The following ESRRG variants were observed in gnomAD, a reference collection of about 807,000 sequenced individuals.
ESRRG encodes estrogen-related receptor gamma.
A neutral mutation model predicts 44.0 loss-of-function variants in ESRRG; 13 were observed. The observed-to-expected ratio is 0.30, with a 90% CI of 0.19 to 0.47. The LOEUF is 0.47. Among genes scored for constraint, ESRRG ranks in the 20% least tolerant of loss-of-function variants. The pLI is 1.00. For missense variants in ESRRG, 395 were observed against 580.6 expected (o/e 0.68, Z 3.29); for synonymous variants, 215 against 214.6 (o/e 1.00, Z -0.02).
intron 2 of ESRRG, among the ~76,000 whole-genome samples, chr1:216,910,424 C>T (rs1375200331): frequency 6.6e-6 from 1 of 152,100 alleles, no homozygotes. Context: ...AGTGTTCAGT[C>T]CTTTCCATTC....
chr1:216,907,177 G>T (rs1169400101), intron 2 of ESRRG, among the ~76,000 whole-genome samples: 1 of 152,130 alleles, frequency 6.6e-6, no homozygotes, highest in Non-Finnish European at 1.5e-5. Flanking sequence ...GGCTGTTACT[G>T]ACTCTGGGAA....
At position 217,088,543 on chromosome 1, in the gene ESRRG, A is replaced by G. The variant is rs139497255; in HGVS notation, c.-106+964T>C. Among the ~76,000 whole-genome samples, 44 of 151,830 alleles carry G rather than the reference A, an allele frequency of 2.9e-4. No individual in the cohort carries two copies. In the East Asian group the frequency reaches 7.4e-3, roughly 25 times the overall value. ...CATGGCCACTGGTTCTGGTACTACA[A>G]CACAAACATAGCAAACGTGCTTCCC... On this transcript the variant is annotated intron_variant, in intron 1 of 7. Coordinates refer to the ESRRG transcript ENST00000359162.
intron 1 of ESRRG, among the ~76,000 whole-genome samples, chr1:216,941,888 C>A (rs1266762342): frequency 6.6e-6 from 1 of 152,096 alleles, no homozygotes; most frequent in Non-Finnish European, 1.5e-5. Context: ...ATTCTAAATT[C>A]CAAACAACCA....
chr1:216,603,869 G>A (rs78090945), intron 3 of ESRRG, among the ~76,000 whole-genome samples: 2,101 of 150,912 alleles, frequency 0.014, 58 homozygotes, highest in African/African-American at 0.049. Context: ...GGAGGCGGAG[G>A]TTGCAGAGAA....
At chr1:216,856,488 C>G (rs1189778630) in intron 2 of ESRRG, among the ~76,000 whole-genome samples, 1 of 152,036 alleles carries the variant, frequency 6.6e-6, no homozygotes, top group Non-Finnish European at 1.5e-5. Context: ...CAATTTCTGT[C>G]AAAGTGTCTG....
At chr1:216,534,810 G>T (rs989569363) in intron 5 of ESRRG, among the ~76,000 whole-genome samples, 5 of 152,144 alleles carry the variant, frequency 3.3e-5, no homozygotes, top group Non-Finnish European at 7.3e-5. Flanking sequence ...TCTGCCTTTA[G>T]GTTGTGGCAA....
intron 1 of ESRRG, among the ~76,000 whole-genome samples, chr1:217,035,437 A>G (rs934961448): frequency 1.3e-5 from 2 of 151,974 alleles, no homozygotes; most frequent in Non-Finnish European, 2.9e-5. Context: ...GAAATTGAGG[A>G]ATGAGACCAA....
At chr1:216,722,112 T>C (rs1234163540) in intron 1 of ESRRG, among the ~76,000 whole-genome samples, 2 of 152,222 alleles carry the variant, frequency 1.3e-5, no homozygotes, top group Non-Finnish European at 2.9e-5. Context: ...ATGCAGTCAC[T>C]AAGGACAGCT....
chr1:217,058,922 A>G lies in ESRRG; in HGVS notation c.-106+30585T>C, dbSNP rs114934957. Among the ~76,000 whole-genome samples the G allele has an allele frequency of 2.4e-3, 357 of 148,808 alleles. 1 individual carries two copies. Among genetic ancestry groups the G allele is most frequent in the African/African-American group, 8.2e-3 (335 of 40,990 alleles). On this transcript the variant is annotated intron_variant, in intron 1 of 7. Transcript: ENST00000359162. ...AAATATAGAATAAACTATATAAAATATAAGATAATATAAACTAATAAAAAC... is the reference window on the plus strand; with the variant it reads ...AAATATAGAATAAACTATATAAAATGTAAGATAATATAAACTAATAAAAAC...
In ESRRG at chr1:216,506,937, A is replaced by T; in HGVS notation, c.*2T>A. 6.2e-7 allele frequency: 1 copy of T among 1,613,054 alleles called. No individual in the cohort carries two copies. The highest frequency in any genetic ancestry group is 8.5e-7 in the Non-Finnish European group (1 of 1,179,404). The stretch of plus-strand genomic sequence containing the variant: ...GGATGGGAAGGCCCAGGGAGCTTTT[A>T]GTCAGACCTTGGCCTCCAACATTTC... On this transcript the variant is annotated 3_prime_UTR_variant, in exon 7 of 7. Coordinates refer to ENST00000408911, the MANE Select transcript of ESRRG (RefSeq NM_001438.4).
At chr1:216,693,064 T>G (rs2079380415) in intron 1 of ESRRG, among the ~76,000 whole-genome samples, 1 of 152,268 alleles carries the variant, frequency 6.6e-6, no homozygotes, top group Non-Finnish European at 1.5e-5. Flanking sequence ...TTCACACTGC[T>G]TTTCCTTCTC....
chr1:216,774,798 C>CTTTTTTTTTTTTTTTTTTT (rs58598227), intron 2 of ESRRG, among the ~76,000 whole-genome samples: 1 of 110,846 alleles, frequency 9.0e-6, no homozygotes, highest in South Asian at 3.2e-4. Flanking sequence ...ATAATTTCTT[C>CTTTTTTTTTTTTTTTTTTT]TTTTTTTTTT....
chr1:216,549,277 T>A (rs980874999), intron 5 of ESRRG, among the ~76,000 whole-genome samples: 2 of 151,834 alleles, frequency 1.3e-5, no homozygotes, highest in African/African-American at 4.8e-5. Context: ...TACCGTAAGA[T>A]CAGTGATGGA....
chr1:216,945,584 GA>G (rs2065932599), intron 1 of ESRRG, among the ~76,000 whole-genome samples: 1 of 152,114 alleles, frequency 6.6e-6, no homozygotes, highest in African/African-American at 2.4e-5. Flanking sequence ...AAAGAGGAAT[GA>G]ATCATTTTGC....
intron 1 of ESRRG, among the ~76,000 whole-genome samples, chr1:216,989,381 C>T (rs1579128426): frequency 7.0e-6 from 1 of 143,706 alleles, no homozygotes; most frequent in East Asian, 2.1e-4. Context: ...TGCAGTGAGC[C>T]GTGATGTTGC....
intron 5 of ESRRG, among the ~76,000 whole-genome samples, chr1:216,529,520 C>T (rs774300894): frequency 3.3e-5 from 5 of 151,978 alleles, no homozygotes; most frequent in Non-Finnish European, 5.9e-5. Context: ...TGTCATTTGT[C>T]GGGCTTCAAA....
chr1:216,865,333 A>G (rs949321283), intron 2 of ESRRG, among the ~76,000 whole-genome samples: 4 of 151,984 alleles, frequency 2.6e-5, no homozygotes, highest in Non-Finnish European at 4.4e-5. Context: ...CTCAGCTCAG[A>G]TCATTTGGAT....
At chr1:216,724,495 T>C (rs377518430), upstream of ESRRG, among the ~76,000 whole-genome samples, 1 of 151,684 alleles carries the variant, frequency 6.6e-6, no homozygotes, top group East Asian at 1.9e-4. Context: ...ACCCAAAACA[T>C]CCTGCTTTCA....
intron 1 of ESRRG, among the ~76,000 whole-genome samples, chr1:217,076,683 G>A (rs980813439): frequency 2.6e-5 from 4 of 152,180 alleles, no homozygotes; most frequent in Non-Finnish European, 4.4e-5. Context: ...TCTGGAGACA[G>A]GGAGAGAGAG....
Sources: allele counts gnomAD v4.1 joint callset (sites outside exome capture counted in the v4.1 genomes callset), GRCh38; gene constraint gnomAD v4.1.1; transcripts MANE v1.5; gene names NCBI Gene and HGNC (gene_info 2026-07-23, HGNC 2026-07-21).